Variants in EPS15 observed in about 807,000 individuals in gnomAD.
EPS15 encodes the protein epidermal growth factor receptor substrate 15.
EPS15 carries 72 observed loss-of-function variants against 113.8 expected under a neutral mutation model. That is an observed-to-expected ratio of 0.63 (90% CI 0.52 to 0.77). EPS15 has a LOEUF of 0.77. EPS15 is among the 30% of genes least tolerant of loss of function. The probability of loss-of-function intolerance (pLI) is 0.00; values close to 1 mark genes in which losing one functional copy is unlikely to be tolerated. For synonymous variants in EPS15, 344 were observed against 363.4 expected, an observed-to-expected ratio of 0.95 and a Z score of 0.61; for missense variants, 1,048 against 1,045.8, an observed-to-expected ratio of 1.00 and a Z score of -0.03.
At chr1:51,395,278 A>G (rs1647815287) in intron 20 of EPS15, among the ~76,000 whole-genome samples, 1 of 152,148 alleles carries the variant, frequency 6.6e-6, no homozygotes, top group African/African-American at 2.4e-5. Context: ...CATCTATTAA[A>G]ACTAAGAACA....
At chr1:51,474,236 G>C (rs138189353) in intron 2 of EPS15, among the ~76,000 whole-genome samples, 47 of 152,346 alleles carry the variant, frequency 3.1e-4, no homozygotes, top group African/African-American at 9.6e-4. Context: ...AGAAGCTATA[G>C]GCCAGAAGCT....
intron 22 of EPS15, among the ~76,000 whole-genome samples, chr1:51,365,499 G>A (rs12069783): frequency 0.019 from 2,825 of 152,304 alleles, 87 homozygotes; most frequent in African/African-American, 0.065. Context: ...ACAGTGGAAA[G>A]TAAATAGTGG....
rs1193425574 is a variant in EPS15, at chr1:51,465,317, T to C, written c.319A>G (p.Ser107Gly). Residue 107 changes from serine to glycine, a missense_variant, in exon 6 of 25, where the codon AGT becomes GGT. Transcript: ENST00000371733. ...AVPPPRFHDT[S>G]SPLLISGTSA... ...GTTCCACTGATTAGCAAAGGACTAC[T>C]GGTATCATGCTATAGAAGAAAGTAA... 5 of 1,608,886 alleles carry C rather than the reference T, an allele frequency of 3.1e-6. No individual in the cohort carries two copies. The highest frequency in any genetic ancestry group is 1.1e-5 in the South Asian group (1 of 90,598).
In EPS15 at chr1:51,518,158, C is replaced by T. The variant is rs117909609; in HGVS notation, c.33+1041G>A. On this transcript the variant is annotated intron_variant, in intron 1 of 24. Transcript: ENST00000371733. ...TTTGGGTCACAGGAGCAGGAAGGAA[C>T]TGGCAGGTGTCTGTCACCTTATCAT... is the stretch of plus-strand genomic sequence containing the variant. Among the ~76,000 whole-genome samples, 11 of 152,272 alleles carry T rather than the reference C, an allele frequency of 7.2e-5. No homozygotes were observed. In the East Asian group the frequency reaches 1.5e-3, roughly 21 times the overall value.
In EPS15 at chr1:51,506,011, C is replaced by T. The variant is rs1053447869; in HGVS notation, c.33+13188G>A. ...AAGCAATTCTCCTGCCTTGGCCTCC[C>T]GAGTAGCTAGAATTACAGGTGCCTG... On this transcript the variant is annotated intron_variant, in intron 1 of 24. Coordinates refer to ENST00000371733, the MANE Select transcript of EPS15 (RefSeq NM_001981.3). 3.3e-5 allele frequency among the ~76,000 whole-genome samples: 5 copies of T among 151,996 alleles called. No individual in the cohort carries two copies. In the East Asian group the frequency reaches 9.6e-4, roughly 29 times the overall value.
intron 12 of EPS15, chr1:51,422,163 A>C (rs1440171135): frequency 6.8e-6 from 4 of 588,262 alleles, no homozygotes; most frequent in African/African-American, 1.9e-5. Context: ...GTTGCTATGG[A>C]AATAGTGTCC....
chr1:51,489,468 C>T (rs1644192454), intron 1 of EPS15, among the ~76,000 whole-genome samples: 1 of 151,838 alleles, frequency 6.6e-6, no homozygotes, highest in Non-Finnish European at 1.5e-5. Flanking sequence ...ACTACAGGTG[C>T]ACACCACCAC....
At chr1:51,466,700 T>A (rs1345939623) in intron 5 of EPS15, among the ~76,000 whole-genome samples, 1 of 150,940 alleles carries the variant, frequency 6.6e-6, no homozygotes, top group Non-Finnish European at 1.5e-5. Flanking sequence ...ATGTAAAAAA[T>A]TAAAAAAAAT....
intron 24 of EPS15, among the ~76,000 whole-genome samples, chr1:51,357,206 G>A (rs890617585): frequency 4.0e-5 from 6 of 150,412 alleles, no homozygotes; most frequent in Admixed American, 1.3e-4. Flanking sequence ...GGCAAAACTC[G>A]CTCTCAACTA....
chr1:51,444,417 G>T (rs1012337894), intron 11 of EPS15, among the ~76,000 whole-genome samples: 1 of 152,136 alleles, frequency 6.6e-6, no homozygotes, highest in East Asian at 1.9e-4. Flanking sequence ...AGCAAAAACC[G>T]CACAGATACA....
chr1:51,432,765 G>C (rs751891095), intron 12 of EPS15, among the ~76,000 whole-genome samples: 6 of 152,134 alleles, frequency 3.9e-5, no homozygotes, highest in Non-Finnish European at 8.8e-5. Context: ...TCCCAAAACA[G>C]AGGTTTTAAT....
chr1:51,405,074 A>C (rs1648964808), intron 16 of EPS15, among the ~76,000 whole-genome samples: 1 of 152,078 alleles, frequency 6.6e-6, no homozygotes, highest in African/African-American at 2.4e-5. Context: ...ACTTGTCTAA[A>C]CTCGCAAAGC....
intron 13 of EPS15, 123 bp from the exon 14 acceptor site, chr1:51,409,819 A>G: frequency 1.6e-6 from 1 of 641,202 alleles, no homozygotes; most frequent in Non-Finnish European, 2.7e-6. Context: ...TGATGAGACT[A>G]GGGTACTTAA....
chr1:51,371,732 G>A (rs1019102953), intron 21 of EPS15, among the ~76,000 whole-genome samples: 1 of 152,146 alleles, frequency 6.6e-6, no homozygotes, highest in African/African-American at 2.4e-5. Context: ...TGTAGTGCAA[G>A]TGTACAGTGT....
intron 12 of EPS15, among the ~76,000 whole-genome samples, chr1:51,432,338 GTATGTATGTATA>G (rs1404218749): frequency 1.6e-3 from 229 of 144,412 alleles, no homozygotes; most frequent in African/African-American, 6.0e-3. Flanking sequence ...ATGTATGTAT[GTATGTATGTATA>G]TATTTAATAG....
At chr1:51,497,785 T>C (rs1644349635) in intron 1 of EPS15, among the ~76,000 whole-genome samples, 3 of 152,116 alleles carry the variant, frequency 2.0e-5, no homozygotes, top group African/African-American at 7.2e-5. Flanking sequence ...GAGACCGTCC[T>C]GGCCAACATG....
chr1:51,409,658 C>A lies in EPS15; in HGVS notation c.1152G>T (p.Leu384=), dbSNP rs1649509075. Reference sequence around the variant, plus strand: ...GCTGTTTCTGGGCCTGTAGTTTTTGCAGATTAGTATTCTCCCTTTGAACTT... The same window carrying A: ...GCTGTTTCTGGGCCTGTAGTTTTTGAAGATTAGTATTCTCCCTTTGAACTT... ...QDEVQRENTN[L]QKLQAQKQQV... is the part of the protein sequence containing the mutation. Residue 384 remains leucine, a synonymous_variant, in exon 14 of 25, where the codon CTG becomes CTT. Transcript: ENST00000371733. 2 of 1,612,726 alleles carry A rather than the reference C, an allele frequency of 1.2e-6. No homozygotes were observed. The highest frequency in any genetic ancestry group is 1.7e-6 in the Non-Finnish European group (2 of 1,179,224).
intron 24 of EPS15, 124 bp from the exon 25 acceptor site, chr1:51,356,970 A>T: frequency 1.4e-6 from 1 of 736,532 alleles, no homozygotes; most frequent in Non-Finnish European, 2.1e-6. Context: ...TTACTTGTTA[A>T]TTCTTTTTTT....
intron 8 of EPS15, among the ~76,000 whole-genome samples, chr1:51,454,713 G>A (rs1307386339): frequency 6.6e-6 from 1 of 152,152 alleles, no homozygotes; most frequent in Non-Finnish European, 1.5e-5. Flanking sequence ...TAAATGCAAC[G>A]TGATACCCTA....
Sources: gnomAD v4.1 joint callset for allele counts (sites outside exome capture counted in the v4.1 genomes callset) on GRCh38, gnomAD v4.1.1 for gene constraint, MANE v1.5 for transcripts, NCBI Gene and HGNC (gene_info 2026-07-23, HGNC 2026-07-21) for gene names.